The following ERI3 variants were observed in gnomAD, a reference collection of about 807,000 sequenced individuals.
The protein encoded by ERI3 is ERI1 exoribonuclease family member 3, also known as ERI1 exoribonuclease 3.
A neutral mutation model predicts 44.4 loss-of-function variants in ERI3; 18 were observed. The observed-to-expected ratio is 0.41, with a 90% CI of 0.28 to 0.60. The LOEUF is 0.60. ERI3 is among the 20% of genes least tolerant of loss of function. The pLI is 0.36. For synonymous variants in ERI3, 183 were observed against 164.8 expected (o/e 1.11, Z -0.84); for missense variants, 294 against 435.5 (o/e 0.68, Z 2.89).
chr1:44,236,266 T>C (rs2154316744), intron 8 of ERI3, among the ~76,000 whole-genome samples: 1 of 152,344 alleles, frequency 6.6e-6, no homozygotes, highest in East Asian at 1.9e-4. Flanking sequence ...TATCTGCCTA[T>C]ACGTGTCAGA....
At chr1:44,319,026 A>G (rs929718096) in intron 4 of ERI3, among the ~76,000 whole-genome samples, 7 of 152,198 alleles carry the variant, frequency 4.6e-5, no homozygotes, top group Non-Finnish European at 7.3e-5. Flanking sequence ...AGTTAGGCCC[A>G]GTTTCACAAT....
At chr1:44,329,787 C>T (rs1224900077) in intron 3 of ERI3, among the ~76,000 whole-genome samples, 3 of 152,206 alleles carry the variant, frequency 2.0e-5, no homozygotes, top group Admixed American at 6.5e-5. Flanking sequence ...CTCCCTGATA[C>T]GGATCTTCTA....
At chr1:44,258,922 C>T (rs985969922) in intron 7 of ERI3, among the ~76,000 whole-genome samples, 43 of 152,268 alleles carry the variant, frequency 2.8e-4, no homozygotes, top group African/African-American at 9.9e-4. Context: ...CCCAAAGAAC[C>T]TTCTCTTTGG....
intron 6 of ERI3, among the ~76,000 whole-genome samples, chr1:44,297,501 T>C (rs1319007850): frequency 6.6e-6 from 1 of 151,982 alleles, no homozygotes; most frequent in Non-Finnish European, 1.5e-5. Flanking sequence ...GGCTGGGGAA[T>C]AAGAAGAATA....
At chr1:44,310,889 T>C (rs952395454) in intron 5 of ERI3, among the ~76,000 whole-genome samples, 1 of 151,764 alleles carries the variant, frequency 6.6e-6, no homozygotes, top group African/African-American at 2.4e-5. Flanking sequence ...AGATAAATTC[T>C]GGATCTTCCA....
intron 6 of ERI3, among the ~76,000 whole-genome samples, chr1:44,290,401 G>T (rs370242183): frequency 2.0e-5 from 3 of 152,202 alleles, no homozygotes; most frequent in Non-Finnish European, 2.9e-5. Flanking sequence ...CCTGTGAGGG[G>T]TGGGTGGGCT....
Position 44,284,863 on chromosome 1 carries a change from T to C in ERI3, c.803A>G (p.Tyr268Cys). The C allele has an allele frequency of 6.2e-7, 1 of 1,614,062 alleles. No individual in the cohort carries two copies. Among genetic ancestry groups the C allele is most frequent in the Non-Finnish European group, 8.5e-7 (1 of 1,180,006 alleles). ...CQYLGLPVADYFKQWINLKKA... is the reference protein window; with the variant it reads ...CQYLGLPVADCFKQWINLKKA... Reference sequence around the variant, plus strand: ...TTTCAGATTAATCCACTGCTTGAAGTAATCCGCCACTGGCAAGCCCAAGTA... The same window carrying C: ...TTTCAGATTAATCCACTGCTTGAAGCAATCCGCCACTGGCAAGCCCAAGTA... Residue 268 changes from tyrosine to cysteine, a missense_variant, in exon 7 of 9, where the codon TAC (tyrosine) becomes TGC (cysteine). Coordinates refer to ENST00000372257, the MANE Select transcript of ERI3 (RefSeq NM_024066.3).
intron 8 of ERI3, among the ~76,000 whole-genome samples, chr1:44,229,150 A>G (rs1297253698): frequency 6.6e-6 from 1 of 152,244 alleles, no homozygotes; most frequent in East Asian, 1.9e-4. Context: ...CCAAAGAGGC[A>G]GAAGAGTCAG....
At chr1:44,301,596 G>A (rs779931324) in intron 6 of ERI3, among the ~76,000 whole-genome samples, 4 of 152,150 alleles carry the variant, frequency 2.6e-5, no homozygotes, top group Non-Finnish European at 4.4e-5. Context: ...AAGGCTCCAG[G>A]CATCCGTCTG....
chr1:44,329,572 A>G (rs1182200362), intron 3 of ERI3, among the ~76,000 whole-genome samples: 1 of 152,196 alleles, frequency 6.6e-6, no homozygotes, highest in Non-Finnish European at 1.5e-5. Context: ...AGACAATGCA[A>G]TCTCAAATCA....
chr1:44,324,311 G>T (rs1646262075), intron 3 of ERI3, among the ~76,000 whole-genome samples: 1 of 152,020 alleles, frequency 6.6e-6, no homozygotes, highest in Non-Finnish European at 1.5e-5. Flanking sequence ...GTACAGCCAG[G>T]ATTCAAACTC....
intron 7 of ERI3, among the ~76,000 whole-genome samples, chr1:44,257,117 AC>A (rs1271489517): frequency 1.3e-5 from 2 of 151,746 alleles, no homozygotes; most frequent in Non-Finnish European, 2.9e-5. Context: ...ATGAAACACC[AC>A]CCCCGGCTCC....
At chr1:44,320,602 A>G (rs1187001043) in intron 3 of ERI3, among the ~76,000 whole-genome samples, 1 of 152,204 alleles carries the variant, frequency 6.6e-6, no homozygotes, top group Non-Finnish European at 1.5e-5. Context: ...CAGAGAGAAG[A>G]GGGAAAGCGA....
chr1:44,325,503 G>GT (rs1646293953), intron 3 of ERI3, among the ~76,000 whole-genome samples: 1 of 152,196 alleles, frequency 6.6e-6, no homozygotes, highest in Non-Finnish European at 1.5e-5. Context: ...AAATAAATGT[G>GT]TAAGTTGCTT....
chr1:44,244,670 T>C (rs956207496), intron 8 of ERI3, among the ~76,000 whole-genome samples: 2 of 152,076 alleles, frequency 1.3e-5, no homozygotes, highest in Non-Finnish European at 2.9e-5. Flanking sequence ...CTCTCCTCAC[T>C]AGTCCTTCCC....
intron 3 of ERI3, among the ~76,000 whole-genome samples, chr1:44,326,954 A>G (rs1646328833): frequency 6.6e-6 from 1 of 152,268 alleles, no homozygotes; most frequent in African/African-American, 2.4e-5. Context: ...ACCAAGTCTT[A>G]GAAACCACAT....
chr1:44,256,763 TC>T (rs1212857491), intron 7 of ERI3: 1 of 152,272 alleles, frequency 6.6e-6, no homozygotes, highest in African/African-American at 2.4e-5. Context: ...CTCAGTTTGA[TC>T]CCAAGTATTA....
At chr1:44,224,539 C>T (rs1643988425) in intron 8 of ERI3, among the ~76,000 whole-genome samples, 1 of 152,220 alleles carries the variant, frequency 6.6e-6, no homozygotes, top group South Asian at 2.1e-4. Flanking sequence ...TGATAATGGC[C>T]TTGCTGTTAT....
intron 7 of ERI3, among the ~76,000 whole-genome samples, chr1:44,278,076 T>C (rs1243329252): frequency 6.6e-6 from 1 of 152,202 alleles, no homozygotes; most frequent in Non-Finnish European, 1.5e-5. Context: ...ATGTAATCAA[T>C]ACAGAAAATT....
Sources: allele counts gnomAD v4.1 joint callset (sites outside exome capture counted in the v4.1 genomes callset), GRCh38; gene constraint gnomAD v4.1.1; transcripts MANE v1.5; gene names NCBI Gene and HGNC (gene_info 2026-07-23, HGNC 2026-07-21).